Variants in CCDC91 observed in about 807,000 individuals in gnomAD.
CCDC91 encodes coiled-coil domain-containing protein 91.
A neutral mutation model predicts 63.2 loss-of-function variants in CCDC91; 48 were observed. The observed-to-expected ratio is 0.76, with a 90% CI of 0.60 to 0.97. The LOEUF is 0.97. Among genes scored for constraint, CCDC91 ranks in the 50% least tolerant of loss-of-function variants. The pLI is 0.00. For missense variants in CCDC91, 500 were observed against 494.6 expected (o/e 1.01, Z -0.10); for synonymous variants, 167 against 165.8 (o/e 1.01, Z -0.06).
At chr12:28,351,609 G>A (rs1277027725) in intron 6 of CCDC91, among the ~76,000 whole-genome samples, 6 of 152,052 alleles carry the variant, frequency 3.9e-5, no homozygotes, top group Non-Finnish European at 5.9e-5. Context: ...CCTCTGCACC[G>A]GTGGCTCAAG....
rs1250517246 is a variant in CCDC91 at position 28,549,773 on chromosome 12, T to A, written c.*600T>A. 6.6e-6 allele frequency: 1 copy of A among 152,168 alleles called. No individual in the cohort carries two copies. Among genetic ancestry groups the A allele is most frequent in the Non-Finnish European group, 1.5e-5 (1 of 68,016 alleles). 9.4% of individuals were successfully genotyped at this position (152,168 alleles called of 1,614,324 possible). ...TAAAGATTATTATATTAATTCAACT[T>A]TGATCTGATATATCACTTAAACTAA... On this transcript the variant is annotated 3_prime_UTR_variant, in exon 13 of 13. Coordinates refer to ENST00000536442, the MANE Select transcript of CCDC91 (RefSeq NM_018318.5).
At chr12:28,388,342 A>G (rs138899779) in intron 7 of CCDC91, among the ~76,000 whole-genome samples, 21 of 152,260 alleles carry the variant, frequency 1.4e-4, no homozygotes, top group African/African-American at 4.8e-4. Context: ...TGATGATATG[A>G]TTGTATACCT....
At chr12:28,410,421 A>T (rs893155758) in intron 8 of CCDC91, among the ~76,000 whole-genome samples, 12 of 152,014 alleles carry the variant, frequency 7.9e-5, no homozygotes, top group Non-Finnish European at 1.2e-4. Flanking sequence ...TTATGTTTCA[A>T]ATGGGTTTTC....
At chr12:28,373,346 C>G (rs576295958) in intron 7 of CCDC91, among the ~76,000 whole-genome samples, 1 of 152,160 alleles carries the variant, frequency 6.6e-6, no homozygotes, top group African/African-American at 2.4e-5. Context: ...CATTTAGCCT[C>G]TTATATGTGT....
At chr12:28,301,571 T>C (rs1263540073) in intron 3 of CCDC91, among the ~76,000 whole-genome samples, 1 of 151,702 alleles carries the variant, frequency 6.6e-6, no homozygotes. Context: ...ATTAATGTTA[T>C]GTTAATTGTA....
chr12:28,450,471 G>A, intron 10 of CCDC91, 53 bp downstream of exon 10: 1 of 1,208,154 alleles, frequency 8.3e-7, no homozygotes, highest in Non-Finnish European at 1.2e-6. Context: ...ATTAAAAAAT[G>A]GAATATATTA....
At chr12:28,476,876 T>C (rs550488865) in intron 11 of CCDC91, among the ~76,000 whole-genome samples, 49 of 152,092 alleles carry the variant, frequency 3.2e-4, no homozygotes, top group African/African-American at 1.1e-3. Flanking sequence ...CTAGAAGAAA[T>C]GGATAAATTC....
intron 8 of CCDC91, among the ~76,000 whole-genome samples, chr12:28,424,897 T>C (rs992817352): frequency 6.6e-6 from 1 of 152,164 alleles, no homozygotes; most frequent in African/African-American, 2.4e-5. Flanking sequence ...CATTTTGGTA[T>C]TTTATCTGTG....
chr12:28,225,869 T>C (rs1315909338), intron 1 of CCDC91: 1 of 152,254 alleles, frequency 6.6e-6, no homozygotes, highest in African/African-American at 2.4e-5. Flanking sequence ...CTGGTAAGTC[T>C]AAGTGAAACA....
intron 7 of CCDC91, among the ~76,000 whole-genome samples, chr12:28,364,900 C>A (rs574366575): frequency 1.3e-4 from 20 of 152,178 alleles, no homozygotes; most frequent in African/African-American, 4.6e-4. Flanking sequence ...TTTTAGAACA[C>A]CTTCGTTGCA....
At chr12:28,274,674 T>G (rs1948065313) in intron 3 of CCDC91, among the ~76,000 whole-genome samples, 1 of 152,116 alleles carries the variant, frequency 6.6e-6, no homozygotes. Context: ...ATGCTTGTGA[T>G]TTTTGTACAT....
intron 1 of CCDC91, among the ~76,000 whole-genome samples, chr12:28,218,550 A>T (rs1207658278): frequency 6.6e-6 from 1 of 152,054 alleles, no homozygotes; most frequent in Non-Finnish European, 1.5e-5. Flanking sequence ...TATTATATGG[A>T]ATATTTAATC....
At chr12:28,191,875 G>A (rs1334128957) in intron 1 of CCDC91, among the ~76,000 whole-genome samples, 4 of 152,186 alleles carry the variant, frequency 2.6e-5, no homozygotes, top group Admixed American at 2.0e-4. Context: ...GTAGAGAATT[G>A]CCCTGGTTAC....
At chr12:28,515,972 GGTTA>G (rs1318217680) in intron 12 of CCDC91, among the ~76,000 whole-genome samples, 15 of 151,840 alleles carry the variant, frequency 9.9e-5, no homozygotes, top group Admixed American at 7.9e-4. Flanking sequence ...AATTGAAAGG[GGTTA>G]GTTAGTATGT....
chr12:28,463,175 G>A (rs1426754807), intron 11 of CCDC91, among the ~76,000 whole-genome samples: 3 of 152,082 alleles, frequency 2.0e-5, no homozygotes, highest in East Asian at 1.9e-4. Context: ...ATTTGAGATC[G>A]AGTGAAATAT....
intron 8 of CCDC91, among the ~76,000 whole-genome samples, chr12:28,439,686 T>A (rs1949080760): frequency 6.6e-6 from 1 of 151,864 alleles, no homozygotes; most frequent in Non-Finnish European, 1.5e-5. Context: ...ATATCTTTTG[T>A]GACTCACATT....
intron 1 of CCDC91, among the ~76,000 whole-genome samples, chr12:28,252,088 C>G (rs11049482): frequency 0.2 from 30,381 of 151,868 alleles, 3,949 homozygotes; most frequent in Non-Finnish European, 0.3. Context: ...CATTTTCCCC[C>G]AGAATTTTAA....
chr12:28,192,757 T>G (rs1418884343), intron 1 of CCDC91, among the ~76,000 whole-genome samples: 3 of 152,200 alleles, frequency 2.0e-5, no homozygotes, highest in African/African-American at 7.2e-5. Flanking sequence ...GTTGCTTTTT[T>G]TAAAAAAAAT....
At chr12:28,245,058 C>T (rs1417242690) in intron 1 of CCDC91, among the ~76,000 whole-genome samples, 1 of 151,964 alleles carries the variant, frequency 6.6e-6, no homozygotes, top group Non-Finnish European at 1.5e-5. Context: ...ATTTTTGAGA[C>T]ATCTTTAGGG....
Sources: allele counts gnomAD v4.1 joint callset (sites outside exome capture counted in the v4.1 genomes callset), GRCh38; gene constraint gnomAD v4.1.1; transcripts MANE v1.5; gene names NCBI Gene and HGNC (gene_info 2026-07-23, HGNC 2026-07-21).